Variants in YTHDF2 observed in about 807,000 individuals in gnomAD.
YTHDF2 encodes the protein YTH domain-containing family protein 2.
YTHDF2 carries 2 observed loss-of-function variants against 50.4 expected under a neutral mutation model. The ratio of observed to expected loss-of-function variants is 0.04; its 90% CI spans 0.02 to 0.12. The LOEUF is 0.12. YTHDF2 is among the 10% of genes least tolerant of loss of function. The pLI, the probability that YTHDF2 is intolerant of heterozygous loss-of-function variation, is 1.00. For missense variants in YTHDF2, 483 were observed against 722.6 expected (o/e 0.67, Z 3.80); for synonymous variants, 217 against 255.6 (o/e 0.85, Z 1.44).
At chr1:28,751,349 A>T (rs1374255165) in intron 4 of YTHDF2, among the ~76,000 whole-genome samples, 9 of 152,152 alleles carry the variant, frequency 5.9e-5, no homozygotes. Flanking sequence ...ACCATGTGAT[A>T]CTGTTGGCTC....
intron 4 of YTHDF2, among the ~76,000 whole-genome samples, chr1:28,763,533 G>C (rs906431375): frequency 2.0e-5 from 3 of 152,082 alleles, no homozygotes; most frequent in African/African-American, 7.2e-5. Context: ...TCAGCTCAGT[G>C]CAACCTCCAC....
chr1:28,741,966 C>T (rs2087783194), intron 3 of YTHDF2, among the ~76,000 whole-genome samples: 1 of 151,950 alleles, frequency 6.6e-6, no homozygotes, highest in Non-Finnish European at 1.5e-5. Context: ...AATGTTTAAA[C>T]ATTTCAGTTA....
At chr1:28,759,525 G>A (rs1188695500) in intron 4 of YTHDF2, among the ~76,000 whole-genome samples, 2 of 152,120 alleles carry the variant, frequency 1.3e-5, no homozygotes, top group Non-Finnish European at 2.9e-5. Context: ...CACAACTTAG[G>A]CTATATGGTA....
intron 4 of YTHDF2, among the ~76,000 whole-genome samples, chr1:28,755,839 C>T (rs1019103097): frequency 1.3e-5 from 2 of 152,124 alleles, no homozygotes; most frequent in African/African-American, 2.4e-5. Context: ...ATTAGGGTTG[C>T]TCAACCAGTA....
chr1:28,748,367 T>G (rs1159683449), intron 4 of YTHDF2, among the ~76,000 whole-genome samples: 1 of 152,112 alleles, frequency 6.6e-6, no homozygotes, highest in Non-Finnish European at 1.5e-5. Flanking sequence ...CTCCCTTAGG[T>G]GAAGTGTTTG....
In YTHDF2 at chr1:28,742,708, C is replaced by T. The variant is rs1279790867; in HGVS notation, c.438C>T (p.Ser146=). The change falls in exon 4 of 5, where the codon AGC becomes AGT. Residue 146 remains serine, a synonymous_variant. Coordinates refer to ENST00000373812, the MANE Select transcript of YTHDF2 (RefSeq NM_016258.3). ...NNSSQGQSTQ[S]SGYSSNYAYA... ...GTTCTCAGGGACAGTCTACTCAGAG[C>T]TCTGGATATAGTAGCAATTATGCTT... 3 of 1,614,016 alleles carry T rather than the reference C, an allele frequency of 1.9e-6. No homozygotes were observed. The African/African-American group carries it at 4.0e-5, about 22-fold the overall frequency.
chr1:28,762,261 G>A (rs569121801), intron 4 of YTHDF2, among the ~76,000 whole-genome samples: 1 of 152,000 alleles, frequency 6.6e-6, no homozygotes, highest in Non-Finnish European at 1.5e-5. Context: ...GCATGGTGGC[G>A]GGCACCTGTA....
At chr1:28,745,734 C>CG (rs1179286689) in intron 4 of YTHDF2, among the ~76,000 whole-genome samples, 6 of 122,260 alleles carry the variant, frequency 4.9e-5, no homozygotes, top group South Asian at 7.3e-4. Context: ...GCCCCCCCCC[C>CG]CCAAAAAAAA....
intron 4 of YTHDF2, 40 bp from the exon 5 acceptor site, chr1:28,768,889 A>G: frequency 6.5e-7 from 1 of 1,542,486 alleles, no homozygotes; most frequent in Non-Finnish European, 8.8e-7. Context: ...GCATGTTCAG[A>G]TAATTTTTAA....
chr1:28,750,426 AAAAG>A (rs2087933299), intron 4 of YTHDF2, among the ~76,000 whole-genome samples: 1 of 152,232 alleles, frequency 6.6e-6, no homozygotes, highest in Admixed American at 6.5e-5. Context: ...TCAAGAAACT[AAAAG>A]AGATGTTATA....
chr1:28,752,087 T>C (rs746648491), intron 4 of YTHDF2, among the ~76,000 whole-genome samples: 7 of 152,218 alleles, frequency 4.6e-5, no homozygotes, highest in Non-Finnish European at 8.8e-5. Context: ...CAGAAGTCTC[T>C]CCAGCGATGT....
At chr1:28,738,836 A>G (rs1570459430) in intron 3 of YTHDF2, among the ~76,000 whole-genome samples, 1 of 152,236 alleles carries the variant, frequency 6.6e-6, no homozygotes, top group Admixed American at 6.5e-5. Context: ...TTAATGTATT[A>G]TAAAACAGTT....
At chr1:28,744,819 C>T (rs1310026105) in intron 4 of YTHDF2, among the ~76,000 whole-genome samples, 2 of 152,014 alleles carry the variant, frequency 1.3e-5, no homozygotes, top group South Asian at 2.1e-4. Context: ...CAGTCATGCA[C>T]CACCATGCCC....
At chr1:28,738,375 T>C (rs773397778) in intron 3 of YTHDF2, 37 bp downstream of exon 3, 29 of 1,504,932 alleles carry the variant, frequency 1.9e-5, no homozygotes, top group Admixed American at 1.9e-4. Flanking sequence ...AATCGAAGGG[T>C]GTGGTATATT....
At chr1:28,758,002 G>T (rs2088060662) in intron 4 of YTHDF2, among the ~76,000 whole-genome samples, 1 of 152,088 alleles carries the variant, frequency 6.6e-6, no homozygotes, top group South Asian at 2.1e-4. Flanking sequence ...GTAGAGACCT[G>T]AGATTGAATA....
rs115680177 is a variant in YTHDF2, at chr1:28,739,876, A to T, written c.132+1538A>T. 6.0e-3 allele frequency among the ~76,000 whole-genome samples: 910 copies of T among 152,302 alleles called. 4 individuals carry two copies. Among genetic ancestry groups the T allele is most frequent in the African/African-American group, 0.02 (851 of 41,566 alleles). On this transcript the variant is annotated intron_variant, in intron 3 of 4. Transcript: ENST00000373812. ...TTCCAAAGACAGTTACACTGTTGTA[A>T]CTAATTTAACTCCCCAGATTAATAG...
intron 3 of YTHDF2, chr1:28,740,497 A>G (rs1304276717): frequency 1.3e-5 from 2 of 152,204 alleles, no homozygotes; most frequent in Non-Finnish European, 1.5e-5. Flanking sequence ...AATCTAGTTC[A>G]TTGTCTAGAG....
chr1:28,744,059 G>A, intron 4 of YTHDF2, 73 bp downstream of exon 4: 1 of 1,416,838 alleles, frequency 7.1e-7, no homozygotes, highest in Non-Finnish European at 9.3e-7. Flanking sequence ...ATTATATAGT[G>A]AACCGTTAAT....
At chr1:28,753,503 G>A (rs1191375780) in intron 4 of YTHDF2, among the ~76,000 whole-genome samples, 1 of 151,112 alleles carries the variant, frequency 6.6e-6, no homozygotes, top group East Asian at 2.0e-4. Context: ...AGTCATGATG[G>A]TACCACTGTA....
Sources: allele counts gnomAD v4.1 joint callset (sites outside exome capture counted in the v4.1 genomes callset), GRCh38; gene constraint gnomAD v4.1.1; transcripts MANE v1.5; gene names NCBI Gene and HGNC (gene_info 2026-07-23, HGNC 2026-07-21).